Variants in DCC observed in about 807,000 individuals in gnomAD.
DCC encodes the protein DCC netrin 1 receptor.
In DCC, 58 loss-of-function variants were observed where a neutral mutation model predicts 172.5. The observed-to-expected ratio is 0.34, with a 90% CI of 0.27 to 0.42. The LOEUF (loss-of-function observed/expected upper bound fraction) is 0.42. Among genes scored for constraint, DCC ranks in the 10% least tolerant of loss-of-function variants. The probability of loss-of-function intolerance (pLI) is 1.00; values close to 1 mark genes in which losing one functional copy is unlikely to be tolerated. For synonymous variants in DCC, 709 were observed against 644.5 expected, an observed-to-expected ratio of 1.10 and a Z score of -1.52; for missense variants, 1,740 against 1,791.0, an observed-to-expected ratio of 0.97 and a Z score of 0.51.
Position 53,157,467 on chromosome 18 carries a change from A to T in DCC, c.1373A>T (p.Asn458Ile). 2 of 1,614,166 alleles carry T rather than the reference A, an allele frequency of 1.2e-6. No individual in the cohort carries two copies. Among genetic ancestry groups the T allele is most frequent in the Non-Finnish European group, 1.7e-6 (2 of 1,180,006 alleles). The change falls in exon 8 of 29, where the codon AAC becomes ATC. Residue 458 changes from asparagine to isoleucine, a missense_variant. Coordinates refer to ENST00000442544, the MANE Select transcript of DCC (RefSeq NM_005215.4). ...SWRPPAEAKG[N>I]IQTFTVFFSR... The stretch of plus-strand genomic sequence containing the variant: ...CGCCCACCTGCAGAAGCGAAAGGGA[A>T]CATTCAAACTTTCACGGTCTTTTTC...
intron 5 of DCC, among the ~76,000 whole-genome samples, chr18:53,040,908 C>G (rs1346908418): frequency 6.6e-6 from 1 of 151,714 alleles, no homozygotes; most frequent in Non-Finnish European, 1.5e-5. Context: ...AGGGTGCAGG[C>G]AGTAAGAATG....
At chr18:52,418,676 C>G (rs965183227) in intron 1 of DCC, among the ~76,000 whole-genome samples, 1 of 152,220 alleles carries the variant, frequency 6.6e-6, no homozygotes, top group East Asian at 1.9e-4. Context: ...GGTGCAACCT[C>G]TCCCCCAGAT....
At chr18:52,849,642 C>T (rs2038945452) in intron 2 of DCC, among the ~76,000 whole-genome samples, 1 of 152,222 alleles carries the variant, frequency 6.6e-6, no homozygotes, top group South Asian at 2.1e-4. Flanking sequence ...TCATTGGCAA[C>T]AGAATATGCC....
intron 1 of DCC, among the ~76,000 whole-genome samples, chr18:52,545,755 A>G (rs906520396): frequency 2.0e-5 from 3 of 152,184 alleles, no homozygotes; most frequent in African/African-American, 7.2e-5. Context: ...CAGGGGTCAT[A>G]TATTTTCTCA....
intron 1 of DCC, among the ~76,000 whole-genome samples, chr18:52,593,890 T>C (rs1421390015): frequency 1.4e-4 from 21 of 152,228 alleles, no homozygotes; most frequent in Admixed American, 1.4e-3. Flanking sequence ...CACTGATTCA[T>C]TCCTCCAATC....
intron 5 of DCC, among the ~76,000 whole-genome samples, chr18:53,043,193 C>A (rs564994923): frequency 1.4e-4 from 21 of 151,792 alleles, no homozygotes; most frequent in Non-Finnish European, 2.2e-4. Flanking sequence ...TGGAAACCAT[C>A]ATTCTCACCA....
In DCC at chr18:53,107,539, AG is replaced by A. The variant is rs1188988677; in HGVS notation, c.1261+41375del. Among the ~76,000 whole-genome samples the A allele has an allele frequency of 5.8e-5, 5 of 86,182 alleles. No individual in the cohort carries two copies. In the South Asian group the frequency reaches 7.9e-4, roughly 14 times the overall value. 56.5% of individuals were successfully genotyped at this position (86,182 alleles called of 152,430 possible). On this transcript the variant is annotated intron_variant, in intron 7 of 28. Transcript: ENST00000442544. ...TTTGATCCAAAAAAAAAAAAAAGGA[AG>A]GAAAAAAAAAAAAAGAGGAAGACGT...
intron 5 of DCC, among the ~76,000 whole-genome samples, chr18:53,036,881 G>C (rs1288213220): frequency 2.6e-5 from 4 of 151,896 alleles, no homozygotes; most frequent in Non-Finnish European, 5.9e-5. Context: ...TTCCATCCTG[G>C]GTACAATTGA....
At chr18:52,967,070 C>G (rs1267753606) in intron 5 of DCC, among the ~76,000 whole-genome samples, 2 of 152,156 alleles carry the variant, frequency 1.3e-5, no homozygotes, top group Non-Finnish European at 2.9e-5. Context: ...GCTTAAATCC[C>G]TCTGAAATGA....
chr18:52,506,173 T>G (rs769027360), intron 1 of DCC, among the ~76,000 whole-genome samples: 1 of 152,172 alleles, frequency 6.6e-6, no homozygotes. Flanking sequence ...TAATTATAAT[T>G]TGGTGTGTAA....
chr18:52,893,484 A>T (rs1490166482), intron 2 of DCC, among the ~76,000 whole-genome samples: 1 of 152,194 alleles, frequency 6.6e-6, no homozygotes, highest in Non-Finnish European at 1.5e-5. Context: ...AGTTTGAAAC[A>T]ATTATAACCC....
At chr18:53,361,331 C>A (rs1470772160) in intron 15 of DCC, among the ~76,000 whole-genome samples, 1 of 152,038 alleles carries the variant, frequency 6.6e-6, no homozygotes, top group Non-Finnish European at 1.5e-5. Flanking sequence ...AATACAAAAC[C>A]GTAGTTGTTG....
At chr18:53,256,909 C>T (rs990846099) in intron 12 of DCC, among the ~76,000 whole-genome samples, 1 of 152,142 alleles carries the variant, frequency 6.6e-6, no homozygotes, top group Non-Finnish European at 1.5e-5. Context: ...TTGTAGTTCT[C>T]CTTGAAGAGG....
chr18:52,886,790 T>A (rs1353935803), intron 2 of DCC, among the ~76,000 whole-genome samples: 1 of 151,934 alleles, frequency 6.6e-6, no homozygotes, highest in Non-Finnish European at 1.5e-5. Flanking sequence ...TGATGGTGCT[T>A]TTTGGTGCAT....
intron 5 of DCC, among the ~76,000 whole-genome samples, chr18:53,033,094 G>A (rs73958664): frequency 0.018 from 2,663 of 152,104 alleles, 79 homozygotes; most frequent in African/African-American, 0.061. Flanking sequence ...TCCTAAACAG[G>A]GTAAAGTCAA....
intron 1 of DCC, among the ~76,000 whole-genome samples, chr18:52,397,701 C>T (rs1436345063): frequency 6.6e-6 from 1 of 152,014 alleles, no homozygotes; most frequent in Non-Finnish European, 1.5e-5. Context: ...CACAGGGTGG[C>T]TGTCACTGGA....
At chr18:52,851,937 C>T (rs1005985381) in intron 2 of DCC, among the ~76,000 whole-genome samples, 3 of 152,096 alleles carry the variant, frequency 2.0e-5, no homozygotes, top group Admixed American at 2.0e-4. Flanking sequence ...TGATACTTCA[C>T]TAACTTACTG....
rs141032409 is a variant in DCC at position 52,890,670 on chromosome 18, C to T, written c.413-15374C>T. Among the ~76,000 whole-genome samples the T allele has an allele frequency of 7.6e-3, 1,162 of 152,190 alleles. 7 individuals are homozygous for T. Among genetic ancestry groups the T allele is most frequent in the Non-Finnish European group, 0.012 (807 of 67,972 alleles). The stretch of plus-strand genomic sequence containing the variant: ...TTAATAGATAGTTCTATATCTAAGA[C>T]TCAGTTCCATAGCAATTTTCCAAAA... On this transcript the variant is annotated intron_variant, in intron 2 of 28. Transcript: ENST00000442544.
chr18:52,373,514 C>A (rs998350228), intron 1 of DCC, among the ~76,000 whole-genome samples: 1 of 152,170 alleles, frequency 6.6e-6, no homozygotes, highest in African/African-American at 2.4e-5. Flanking sequence ...TGTTGTTCTT[C>A]TGTGACATGT....
Sources: allele counts gnomAD v4.1 joint callset (sites outside exome capture counted in the v4.1 genomes callset), GRCh38; gene constraint gnomAD v4.1.1; transcripts MANE v1.5; gene names NCBI Gene and HGNC (gene_info 2026-07-23, HGNC 2026-07-21).